The following OR9K2 variants were observed in gnomAD, a reference collection of about 807,000 sequenced individuals.
OR9K2 encodes the protein olfactory receptor 9K2.
Under a neutral mutation model 12.4 loss-of-function variants are expected in OR9K2, and 16 were observed. That is an observed-to-expected ratio of 1.29 (90% confidence interval 0.87 to 1.95). OR9K2 has a LOEUF of 1.95. Among genes scored for constraint, OR9K2 ranks in the 30% most tolerant of loss-of-function variants. The pLI, the probability that OR9K2 is intolerant of heterozygous loss-of-function variation, is 0.00. For missense variants in OR9K2, 434 were observed against 376.5 expected, an observed-to-expected ratio of 1.15 and a Z score of -1.26; for synonymous variants, 133 against 133.2, an observed-to-expected ratio of 1.00 and a Z score of 0.01.
chr12:55,130,273 T>C lies in OR9K2; in HGVS notation c.439T>C (p.Leu147=). ...AATGTCCACACGTCTGTGTACTCAG[T>C]TGGTGGCTGGTTCCTATTTTTGTGG... ...VQMSTRLCTQ[L]VAGSYFCGCI... is the part of the protein sequence containing the mutation. Residue 147 remains leucine (L), a synonymous_variant, in exon 3 of 3, where the codon TTG becomes CTG. Coordinates refer to ENST00000641329, the MANE Select transcript of OR9K2 (RefSeq NM_001005243.2). The C allele has an allele frequency of 1.2e-6, 2 of 1,613,980 alleles. No individual in the cohort carries two copies. Among genetic ancestry groups the C allele is most frequent in the Admixed American group, 1.7e-5 (1 of 60,000 alleles).
Position 55,131,670 on chromosome 12 carries a change from A to C in OR9K2, c.*894A>C, listed in dbSNP as rs1276884779. The C allele has an allele frequency of 1.3e-5, 2 of 152,132 alleles. No homozygotes were observed. Among genetic ancestry groups the C allele is most frequent in the Non-Finnish European group, 1.5e-5 (1 of 68,018 alleles). 9.4% of individuals were successfully genotyped at this position (152,132 alleles called of 1,614,324 possible). A position where few individuals can be genotyped will look rare whatever the true frequency, so the allele number is the denominator to read the frequency against. ...ATAACCTCATTCTTTTGAAAGTTTA[A>C]AAGTTAGTGAGATACTGAAATCCTT... On this transcript the variant is annotated 3_prime_UTR_variant, in exon 3 of 3. Coordinates refer to ENST00000641329, the MANE Select transcript of OR9K2 (RefSeq NM_001005243.2).
chr12:55,132,467 T>C lies in OR9K2; in HGVS notation c.*1691T>C, dbSNP rs530161165. The C allele has an allele frequency of 4.7e-4, 71 of 152,322 alleles. No individual in the cohort carries two copies. Among genetic ancestry groups the C allele is most frequent in the African/African-American group, 1.6e-3 (66 of 41,570 alleles). 9.4% of individuals were successfully genotyped at this position (152,322 alleles called of 1,614,324 possible). ...CACACAGAGGGACACCAGGGGTGCA[T>C]GTGCACAGAACATCAGTCATGTGAA... On this transcript the variant is annotated 3_prime_UTR_variant, in exon 3 of 3. Transcript: ENST00000641329.
chr12:55,132,482 A>C lies in OR9K2; in HGVS notation c.*1706A>C, dbSNP rs1051981469. On this transcript the variant is annotated 3_prime_UTR_variant, in exon 3 of 3. Transcript: ENST00000641329. ...CAGGGGTGCATGTGCACAGAACATC[A>C]GTCATGTGAAGAATCAACAAGAGGG... 5.3e-5 allele frequency: 8 copies of C among 152,250 alleles called. No homozygotes were observed. The highest frequency in any genetic ancestry group is 5.9e-5 in the Non-Finnish European group (4 of 68,040). The allele number at this position is 152,250 out of a possible 1,614,324, so 9.4% of individuals were successfully genotyped here.
chr12:55,128,561 C>T (rs540722486), intron 2 of OR9K2, among the ~76,000 whole-genome samples: 8 of 151,964 alleles, frequency 5.3e-5, no homozygotes, highest in African/African-American at 1.9e-4. Context: ...ATAATAATAA[C>T]CACCTAATGT....
rs7306491 is a variant in OR9K2, at chr12:55,130,388, G to A, written c.554G>A (p.Arg185His). 0.31 allele frequency: 493,934 copies of A among 1,612,920 alleles called. 78,132 individuals carry two copies. Among genetic ancestry groups the A allele is most frequent in the African/African-American group, 0.4 (30,063 of 74,872 alleles). The change falls in exon 3 of 3, where the codon CGC becomes CAC. Residue 185 changes from arginine (R) to histidine (H), a missense_variant. Coordinates refer to ENST00000641329, the MANE Select transcript of OR9K2 (RefSeq NM_001005243.2). ...GTTGACCACTTTTACTGTGATTCTCGCCCACTTCAGAGACTGTCTTGTTCT... is the reference window on the plus strand; with the variant it reads ...GTTGACCACTTTTACTGTGATTCTCACCCACTTCAGAGACTGTCTTGTTCT... ...RAVDHFYCDS[R>H]PLQRLSCSDL...
chr12:55,129,803 T>G (rs200050297), intron 2 of OR9K2, 23 bp from the exon 3 acceptor site: 2 of 780,976 alleles, frequency 2.6e-6, no homozygotes, highest in African/African-American at 3.7e-5. Context: ...CATTTGTATA[T>G]TTTGCCCTGT....
In OR9K2 at chr12:55,130,075, G is replaced by T; in HGVS notation, c.241G>T (p.Glu81Ter). ...FIDLFYSSVI[E>*]PKAMINFWSE... The stretch of plus-strand genomic sequence containing the variant: ...TGATCTTTTCTATTCATCTGTTATT[G>T]AACCCAAGGCTATGATCAACTTCTG... The change falls in exon 3 of 3, where the codon GAA becomes TAA. Residue 81 changes from glutamate (E) to a stop codon, truncating the protein, a stop_gained. Coordinates refer to ENST00000641329, the MANE Select transcript of OR9K2 (RefSeq NM_001005243.2). LOFTEE classifies it high-confidence loss of function. 6.2e-7 allele frequency: 1 copy of T among 1,612,476 alleles called. No homozygotes were observed. The highest frequency in any genetic ancestry group is 1.3e-5 in the African/African-American group (1 of 74,964).
In OR9K2 at chr12:55,131,041, T is replaced by C. The variant is rs1215189156; in HGVS notation, c.*265T>C. The C allele has an allele frequency of 1.0e-5, 3 of 289,696 alleles. No individual in the cohort carries two copies. The highest frequency in any genetic ancestry group is 1.9e-5 in the Non-Finnish European group (3 of 155,130). 17.9% of individuals were successfully genotyped at this position (289,696 alleles called of 1,614,324 possible). A position where few individuals can be genotyped will look rare whatever the true frequency, so the allele number is the denominator to read the frequency against. ...AACATTTTATTTCACAGAATTTATATCTATTGATTCTTGTGGCATAATGTA... is the reference window on the plus strand; with the variant it reads ...AACATTTTATTTCACAGAATTTATACCTATTGATTCTTGTGGCATAATGTA... On this transcript the variant is annotated 3_prime_UTR_variant, in exon 3 of 3. Coordinates refer to ENST00000641329, the MANE Select transcript of OR9K2 (RefSeq NM_001005243.2).
Position 55,130,750 on chromosome 12 carries a change from C to T in OR9K2, c.916C>T (p.Leu306=), listed in dbSNP as rs200967865. 9.6e-6 allele frequency: 15 copies of T among 1,562,990 alleles called. No individual in the cohort carries two copies. In the East Asian group the frequency reaches 3.4e-4, roughly 35 times the overall value. ...TGTCCAAGAGGCTCTAAAAAAATTT[C>T]TAGAGAAGAAAAATATTATTCTTTG... ...KDVQEALKKF[L]EKKNIIL Residue 306 remains leucine, a synonymous_variant, in exon 3 of 3, where the codon CTA becomes TTA. Transcript: ENST00000641329.
In OR9K2 at chr12:55,130,453, T is replaced by G. The variant is rs1414387553; in HGVS notation, c.619T>G (p.Cys207Gly). The G allele has an allele frequency of 3.7e-6, 6 of 1,613,482 alleles. No individual in the cohort carries two copies. The South Asian group carries it at 5.5e-5, about 15-fold the overall frequency. The change falls in exon 3 of 3, where the codon TGT becomes GGT. Residue 207 changes from cysteine (C) to glycine (G), a missense_variant. By Grantham distance (159) the Cys-to-Gly change is radical (BLOSUM62 -3). Transcript: ENST00000641329. ...TAGAATGATATCTTTTTCCTTATCA[T>G]GTATTATTATCTTGCCTACTATCAT... ...IHRMISFSLS[C>G]IIILPTIIVI...
In OR9K2 at chr12:55,130,944, A is replaced by G. The variant is rs916908472; in HGVS notation, c.*168A>G. The G allele has an allele frequency of 7.8e-5, 41 of 524,670 alleles. No homozygotes were observed. Among genetic ancestry groups the G allele is most frequent in the African/African-American group, 7.3e-4 (38 of 52,378 alleles). 32.5% of individuals were successfully genotyped at this position (524,670 alleles called of 1,614,324 possible). A position where few individuals can be genotyped will look rare whatever the true frequency, so the allele number is the denominator to read the frequency against. On this transcript the variant is annotated 3_prime_UTR_variant, in exon 3 of 3. Transcript: ENST00000641329. ...ACCTCCCAAGACATCATTAATTCTG[A>G]AAATCTTGGATATTGGAGATATCCT... is the stretch of plus-strand genomic sequence containing the variant.
intron 2 of OR9K2, among the ~76,000 whole-genome samples, chr12:55,128,434 G>C (rs1236148170): frequency 6.6e-6 from 1 of 151,752 alleles, no homozygotes; most frequent in African/African-American, 2.4e-5. Flanking sequence ...ATGATTAAAA[G>C]CATGGATTCT....
chr12:55,128,905 A>C (rs1388484377), intron 2 of OR9K2, among the ~76,000 whole-genome samples: 2 of 152,082 alleles, frequency 1.3e-5, no homozygotes, highest in Admixed American at 1.3e-4. Context: ...TTTTTAAAGA[A>C]CTGCAAGTCA....
rs1953472544 is a variant in OR9K2, at chr12:55,131,415, A to T, written c.*639A>T. The T allele has an allele frequency of 6.6e-6, 1 of 152,142 alleles. No individual in the cohort carries two copies. The highest frequency in any genetic ancestry group is 1.5e-5 in the Non-Finnish European group (1 of 68,030). 9.4% of individuals were successfully genotyped at this position (152,142 alleles called of 1,614,324 possible). A position where few individuals can be genotyped will look rare whatever the true frequency, so the allele number is the denominator to read the frequency against. ...CAAAGAACTAAAATAGGAAATAGAGATCTTCAAACATTTTGATCAATCATG... is the reference window on the plus strand; with the variant it reads ...CAAAGAACTAAAATAGGAAATAGAGTTCTTCAAACATTTTGATCAATCATG... On this transcript the variant is annotated 3_prime_UTR_variant, in exon 3 of 3. Coordinates refer to ENST00000641329, the MANE Select transcript of OR9K2 (RefSeq NM_001005243.2).
At position 55,130,416 on chromosome 12, in the gene OR9K2, T is replaced by C. The variant is rs774208548; in HGVS notation, c.582T>C (p.Asp194=). Residue 194 remains aspartate, a synonymous_variant, in exon 3 of 3, where the codon GAT becomes GAC. Coordinates refer to ENST00000641329, the MANE Select transcript of OR9K2 (RefSeq NM_001005243.2). ...CACTTCAGAGACTGTCTTGTTCTGA[T>C]CTCTTTATCCATAGAATGATATCTT... ...SRPLQRLSCS[D]LFIHRMISFS... is the part of the protein sequence containing the mutation. 1.9e-6 allele frequency: 3 copies of C among 1,613,922 alleles called. No individual in the cohort carries two copies. Among genetic ancestry groups the C allele is most frequent in the Admixed American group, 1.7e-5 (1 of 59,968 alleles).
rs773058521 is a variant in OR9K2, at chr12:55,130,580, G to C, written c.746G>C (p.Gly249Ala). Residue 249 changes from glycine (G) to alanine (A), a missense_variant, in exon 3 of 3, where the codon GGA (glycine) becomes GCA (alanine). Transcript: ENST00000641329. Reference protein sequence around the residue: ...KAFSTCSSHLGVVSVLYGAVF... With the variant: ...KAFSTCSSHLAVVSVLYGAVF... ...TTCTCCACCTGCAGCTCTCACCTGG[G>C]AGTTGTGAGTGTGCTGTATGGTGCT... 9 of 1,613,768 alleles carry C rather than the reference G, an allele frequency of 5.6e-6. No homozygotes were observed. In the South Asian group the frequency reaches 9.9e-5, roughly 18 times the overall value.
At position 55,130,175 on chromosome 12, in the gene OR9K2, A is replaced by T. The variant is rs753947688; in HGVS notation, c.341A>T (p.Glu114Val). The change falls in exon 3 of 3, where the codon GAG becomes GTG. Residue 114 changes from glutamate to valine, a missense_variant. Physicochemically the swap from Glu to Val is moderately radical, Grantham distance 121 (BLOSUM62 -2). Transcript: ENST00000641329. ...CTCTTTGCCCTCCTCATTGTGACTG[A>T]GGGATTTCTCCTGGCGGCCATGGCT... ...LFLFALLIVT[E>V]GFLLAAMAYD... 6.2e-7 allele frequency: 1 copy of T among 1,613,990 alleles called. No homozygotes were observed. The highest frequency in any genetic ancestry group is 1.1e-5 in the South Asian group (1 of 91,074).
Position 55,132,591 on chromosome 12 carries a change from C to G in OR9K2, c.*1815C>G, listed in dbSNP as rs1331451550. 1 of 152,210 alleles carries G rather than the reference C, an allele frequency of 6.6e-6. No homozygotes were observed. The highest frequency in any genetic ancestry group is 1.5e-5 in the Non-Finnish European group (1 of 68,040). The allele number at this position is 152,210 out of a possible 1,614,324, so 9.4% of individuals were successfully genotyped here. On this transcript the variant is annotated 3_prime_UTR_variant, in exon 3 of 3. Coordinates refer to ENST00000641329, the MANE Select transcript of OR9K2 (RefSeq NM_001005243.2). Reference sequence around the variant, plus strand: ...GATCTTGGGCTTCCAGCCTCTATCACTAAGAAAATTAATTTCTGTTGTTTA... The same window carrying G: ...GATCTTGGGCTTCCAGCCTCTATCAGTAAGAAAATTAATTTCTGTTGTTTA...
At chr12:55,126,653 A>G (rs553842136) in intron 1 of OR9K2, 137 bp downstream of exon 1, 5 of 152,280 alleles carry the variant, frequency 3.3e-5, no homozygotes, top group African/African-American at 7.2e-5. Context: ...TGAAAAAAAG[A>G]CTTTTTAAAA....
Sources: gnomAD v4.1 joint callset for allele counts (sites outside exome capture counted in the v4.1 genomes callset) on GRCh38, gnomAD v4.1.1 for gene constraint, MANE v1.5 for transcripts, NCBI Gene and HGNC (gene_info 2026-07-23, HGNC 2026-07-21) for gene names.